ELFN2: variants seen among roughly 807,000 people sequenced by gnomAD.
The protein encoded by ELFN2 is protein phosphatase 1 regulatory subunit 29.
A neutral mutation model predicts 45.5 loss-of-function variants in ELFN2; 17 were observed. The observed-to-expected ratio is 0.37, with a 90% CI of 0.26 to 0.56. The LOEUF is 0.56. ELFN2 is among the 20% of genes least tolerant of loss of function. The pLI is 0.77. For missense variants in ELFN2, 922 were observed against 1,183.2 expected, an observed-to-expected ratio of 0.78 and a Z score of 3.24; for synonymous variants, 550 against 551.5, an observed-to-expected ratio of 1.00 and a Z score of 0.04.
In ELFN2 at chr22:37,412,154, G is replaced by A. The variant is rs1468794779; in HGVS notation, c.-463+5615C>T. Among the ~76,000 whole-genome samples the A allele has an allele frequency of 3.3e-5, 5 of 151,800 alleles. No individual in the cohort carries two copies. The East Asian group carries it at 9.7e-4, about 29-fold the overall frequency. On this transcript the variant is annotated intron_variant, in intron 2 of 2. Coordinates refer to ENST00000402918, the MANE Select transcript of ELFN2 (RefSeq NM_052906.5). ...GAGGTCAGGAGTTCGAGACCAGCCTGGTCAACATGGCGAAACCTGGTCTCT... is the reference window on the plus strand; with the variant it reads ...GAGGTCAGGAGTTCGAGACCAGCCTAGTCAACATGGCGAAACCTGGTCTCT...
chr22:37,402,768 G>A (rs1014436677), intron 2 of ELFN2, among the ~76,000 whole-genome samples: 5 of 152,160 alleles, frequency 3.3e-5, no homozygotes, highest in African/African-American at 1.2e-4. Flanking sequence ...GCCTCCAGGG[G>A]CTCGGTGGGT....
At chr22:37,382,572 C>T in intron 2 of ELFN2, among the ~76,000 whole-genome samples, 1 of 125,948 alleles carries the variant, frequency 7.9e-6, no homozygotes, top group East Asian at 2.5e-4. Context: ...TAAAAACAGA[C>T]TCTAGCTAGC....
intron 2 of ELFN2, among the ~76,000 whole-genome samples, chr22:37,387,863 C>T (rs771218737): frequency 2.6e-5 from 4 of 151,952 alleles, no homozygotes; most frequent in Non-Finnish European, 5.9e-5. Context: ...CCCAAACCAC[C>T]GTACCCAGCT....
At chr22:37,347,675 C>T (rs1343884623) in intron 1 of ELFN2, among the ~76,000 whole-genome samples, 6 of 148,530 alleles carry the variant, frequency 4.0e-5, no homozygotes, top group African/African-American at 7.5e-5. Flanking sequence ...CACACACACA[C>T]ACACACACAA....
At chr22:37,396,300 T>C (rs577193410) in intron 2 of ELFN2, among the ~76,000 whole-genome samples, 2 of 152,366 alleles carry the variant, frequency 1.3e-5, no homozygotes, top group Admixed American at 1.3e-4. Flanking sequence ...TAGGTGCTTC[T>C]GTATTGCACA....
intron 2 of ELFN2, among the ~76,000 whole-genome samples, chr22:37,387,851 C>T (rs746012680): frequency 3.9e-5 from 6 of 151,936 alleles, no homozygotes; most frequent in Non-Finnish European, 8.8e-5. Context: ...GGGCTGACCA[C>T]ACCCAAACCA....
intron 2 of ELFN2, among the ~76,000 whole-genome samples, chr22:37,416,975 T>A (rs1932765570): frequency 6.6e-6 from 1 of 151,408 alleles, no homozygotes. Context: ...CCAGCCAGCC[T>A]CCTTTCTCTG....
rs144924468 is a variant in ELFN2, at chr22:37,356,959, A to G, written n.149-14256T>C. On this transcript the variant is annotated intron_variant and non_coding_transcript_variant, in intron 1 of 2. Coordinates refer to ENST00000452946, the Ensembl canonical transcript of ELFN2. ...TTATCAGCGAGGAATAGGCAGAGGA[A>G]CAAATAACAGAGACTCCAGCCAGAC... Among the ~76,000 whole-genome samples, 61 of 152,356 alleles carry G rather than the reference A, an allele frequency of 4.0e-4. No individual in the cohort carries two copies. In the East Asian group the frequency reaches 0.011, roughly 27 times the overall value.
chr22:37,411,997 CTCT>C (rs1932659823), intron 2 of ELFN2, among the ~76,000 whole-genome samples: 3 of 152,090 alleles, frequency 2.0e-5, no homozygotes, highest in Admixed American at 1.3e-4. Flanking sequence ...CTTCCCAGAG[CTCT>C]TGGAACCTCC....
chr22:37,411,219 G>T (rs1036181850), intron 2 of ELFN2, among the ~76,000 whole-genome samples: 2 of 152,134 alleles, frequency 1.3e-5, no homozygotes, highest in East Asian at 3.9e-4. Context: ...TCACTGCATC[G>T]CCCCATCCTG....
chr22:37,419,743 C>T (rs1932794635), intron 1 of ELFN2, among the ~76,000 whole-genome samples: 1 of 152,216 alleles, frequency 6.6e-6, no homozygotes, highest in Non-Finnish European at 1.5e-5. Flanking sequence ...GCACATGAGC[C>T]AACACACCCC....
At chr22:37,410,336 C>T (rs1003359086) in intron 2 of ELFN2, among the ~76,000 whole-genome samples, 1 of 152,196 alleles carries the variant, frequency 6.6e-6, no homozygotes, top group African/African-American at 2.4e-5. Context: ...AGAGGAAAGC[C>T]GGCAAGTCTC....
At chr22:37,416,891 C>A (rs181305180) in intron 2 of ELFN2, among the ~76,000 whole-genome samples, 2 of 152,238 alleles carry the variant, frequency 1.3e-5, no homozygotes, top group South Asian at 2.1e-4. Context: ...CAGCCACAGC[C>A]CCTCCACGTG....
intron 1 of ELFN2, among the ~76,000 whole-genome samples, chr22:37,350,027 C>T (rs1426117747): frequency 3.3e-5 from 5 of 150,814 alleles, no homozygotes; most frequent in African/African-American, 9.7e-5. Flanking sequence ...CTGGTCCTGG[C>T]GGGCAGTGGG....
intron 2 of ELFN2, among the ~76,000 whole-genome samples, chr22:37,405,825 A>C (rs1001028451): frequency 4.0e-5 from 6 of 148,292 alleles, no homozygotes; most frequent in Non-Finnish European, 8.9e-5. Context: ...CCTTTAGGAA[A>C]AAAAAAAAGG....
At chr22:37,400,925 G>A (rs560334467) in intron 2 of ELFN2, among the ~76,000 whole-genome samples, 2 of 152,380 alleles carry the variant, frequency 1.3e-5, no homozygotes, top group Admixed American at 6.5e-5. Context: ...CACAGGTTAA[G>A]TATTTCATTC....
intron 2 of ELFN2, among the ~76,000 whole-genome samples, chr22:37,406,007 T>C (rs1932492227): frequency 6.6e-6 from 1 of 151,974 alleles, no homozygotes; most frequent in African/African-American, 2.4e-5. Flanking sequence ...CTGGGCATAG[T>C]GAGACGCACC....
At chr22:37,416,145 C>G (rs1042200935) in intron 2 of ELFN2, among the ~76,000 whole-genome samples, 21 of 152,214 alleles carry the variant, frequency 1.4e-4, no homozygotes, top group Admixed American at 6.5e-5. Context: ...AAACCAGAGC[C>G]AGGTTGCAAA....
At chr22:37,394,530 G>C (rs1292840613) in intron 2 of ELFN2, among the ~76,000 whole-genome samples, 2 of 152,202 alleles carry the variant, frequency 1.3e-5, no homozygotes, top group African/African-American at 4.8e-5. Flanking sequence ...ACTCCTTGGT[G>C]AGTGTCCAGC....
Sources: allele counts gnomAD v4.1 joint callset (sites outside exome capture counted in the v4.1 genomes callset), GRCh38; gene constraint gnomAD v4.1.1; transcripts MANE v1.5; gene names NCBI Gene and HGNC (gene_info 2026-07-23, HGNC 2026-07-21).